Variants in LRRC4C observed in about 807,000 individuals in gnomAD.
LRRC4C encodes the protein leucine rich repeat containing 4C.
LRRC4C carries 5 observed loss-of-function variants against 33.6 expected under a neutral mutation model. The ratio of observed to expected loss-of-function variants is 0.15; its 90% confidence interval spans 0.08 to 0.31. The LOEUF (loss-of-function observed/expected upper bound fraction) is 0.31. Among genes scored for constraint, LRRC4C ranks in the 10% least tolerant of loss-of-function variants. The probability of loss-of-function intolerance (pLI) is 1.00; values close to 1 mark genes in which losing one functional copy is unlikely to be tolerated. For synonymous variants in LRRC4C, 329 were observed against 302.0 expected, an observed-to-expected ratio of 1.09 and a Z score of -0.93; for missense variants, 560 against 796.7, an observed-to-expected ratio of 0.70 and a Z score of 3.58.
chr11:40,495,921 C>CG (rs759050706), intron 3 of LRRC4C, among the ~76,000 whole-genome samples: 19 of 147,380 alleles, frequency 1.3e-4, no homozygotes, highest in Non-Finnish European at 2.4e-4. Flanking sequence ...CCTCCGCCCC[C>CG]GGGGTTCAAG....
chr11:40,740,573 T>A (rs1290733617), intron 2 of LRRC4C, among the ~76,000 whole-genome samples: 1 of 152,084 alleles, frequency 6.6e-6, no homozygotes, highest in African/African-American at 2.4e-5. Flanking sequence ...TTTGCATATA[T>A]TTTCCCCCAT....
At chr11:40,992,440 T>A (rs114518313) in intron 1 of LRRC4C, among the ~76,000 whole-genome samples, 4,221 of 151,872 alleles carry the variant, frequency 0.028, 62 homozygotes, top group Middle Eastern at 0.044. Flanking sequence ...AGTGGTTTTT[T>A]TTTTTCGGAT....
chr11:40,795,362 A>T (rs894299693), intron 2 of LRRC4C, among the ~76,000 whole-genome samples: 1 of 151,926 alleles, frequency 6.6e-6, no homozygotes, highest in Non-Finnish European at 1.5e-5. Flanking sequence ...CCCTCTCTCT[A>T]TTAAAAATAC....
chr11:40,832,542 A>T (rs981773783), intron 2 of LRRC4C, among the ~76,000 whole-genome samples: 2 of 152,150 alleles, frequency 1.3e-5, no homozygotes, highest in Non-Finnish European at 2.9e-5. Flanking sequence ...ATGGAATCAG[A>T]AGTGCCTTGA....
At chr11:40,827,686 T>C (rs1565107117) in intron 2 of LRRC4C, among the ~76,000 whole-genome samples, 1 of 151,826 alleles carries the variant, frequency 6.6e-6, no homozygotes, top group Non-Finnish European at 1.5e-5. Flanking sequence ...ATTTTATTTA[T>C]TTTCTCTTGA....
intron 5 of LRRC4C, among the ~76,000 whole-genome samples, chr11:40,212,953 A>G (rs1863712677): frequency 6.6e-6 from 1 of 152,164 alleles, no homozygotes; most frequent in Non-Finnish European, 1.5e-5. Flanking sequence ...AGGAAACTAG[A>G]AAATGATTCC....
chr11:41,040,235 T>A (rs536184404), intron 1 of LRRC4C, among the ~76,000 whole-genome samples: 74 of 151,486 alleles, frequency 4.9e-4, no homozygotes, highest in African/African-American at 1.6e-3. Flanking sequence ...TATTAGGAGA[T>A]CTCTAATTCT....
chr11:40,862,227 G>A (rs1243460884), intron 2 of LRRC4C, among the ~76,000 whole-genome samples: 1 of 152,136 alleles, frequency 6.6e-6, no homozygotes, highest in African/African-American at 2.4e-5. Context: ...GTTAGCCTTA[G>A]TATAAGAAAA....
intron 1 of LRRC4C, among the ~76,000 whole-genome samples, chr11:40,980,836 T>G (rs1420716991): frequency 6.6e-6 from 1 of 152,190 alleles, no homozygotes; most frequent in Non-Finnish European, 1.5e-5. Context: ...CTCTTCAAGT[T>G]TATATAAATG....
At chr11:40,261,945 G>A (rs551191373) in intron 4 of LRRC4C, among the ~76,000 whole-genome samples, 33 of 152,084 alleles carry the variant, frequency 2.2e-4, no homozygotes, top group African/African-American at 7.2e-4. Flanking sequence ...CTAAAACACC[G>A]AAAGCAATGG....
intron 1 of LRRC4C, among the ~76,000 whole-genome samples, chr11:41,369,875 G>A (rs1232295430): frequency 6.6e-6 from 1 of 152,158 alleles, no homozygotes; most frequent in African/African-American, 2.4e-5. Flanking sequence ...TGATGACAAG[G>A]ACTAGGTACA....
At chr11:40,586,305 AC>A in intron 3 of LRRC4C, among the ~76,000 whole-genome samples, 1 of 150,654 alleles carries the variant, frequency 6.6e-6, no homozygotes. Context: ...TCCTTCACCC[AC>A]TTTTTGATGG....
At chr11:40,804,454 A>G (rs940181460) in intron 2 of LRRC4C, among the ~76,000 whole-genome samples, 2 of 152,146 alleles carry the variant, frequency 1.3e-5, no homozygotes, top group Non-Finnish European at 2.9e-5. Flanking sequence ...TGCACCACCT[A>G]ATTGAAGTAG....
At chr11:40,245,889 T>G (rs1489108675) in intron 4 of LRRC4C, among the ~76,000 whole-genome samples, 1 of 152,010 alleles carries the variant, frequency 6.6e-6, no homozygotes, top group African/African-American at 2.4e-5. Flanking sequence ...ATATTAGTAT[T>G]ATAAATTCAA....
chr11:41,354,662 C>T (rs1952095673), intron 1 of LRRC4C, among the ~76,000 whole-genome samples: 1 of 151,918 alleles, frequency 6.6e-6, no homozygotes, highest in Admixed American at 6.6e-5. Flanking sequence ...AAAATAGACA[C>T]ATAGACCAAT....
chr11:40,488,744 C>T (rs1954000156), intron 3 of LRRC4C, among the ~76,000 whole-genome samples: 1 of 152,044 alleles, frequency 6.6e-6, no homozygotes, highest in Non-Finnish European at 1.5e-5. Context: ...TTGACACATC[C>T]TGTGCTTCCC....
intron 1 of LRRC4C, among the ~76,000 whole-genome samples, chr11:41,174,352 A>G (rs549224409): frequency 7.9e-5 from 12 of 152,262 alleles, no homozygotes; most frequent in Admixed American, 2.6e-4. Flanking sequence ...AATAAAATAA[A>G]GATGCAAATG....
At chr11:41,267,917 A>G (rs981235472) in intron 1 of LRRC4C, among the ~76,000 whole-genome samples, 8 of 152,062 alleles carry the variant, frequency 5.3e-5, no homozygotes, top group African/African-American at 1.9e-4. Flanking sequence ...TAATACACAA[A>G]TATTTCCTGC....
intron 2 of LRRC4C, among the ~76,000 whole-genome samples, chr11:40,731,281 T>TG (rs1156478134): frequency 6.6e-6 from 1 of 152,064 alleles, no homozygotes; most frequent in African/African-American, 2.4e-5. Flanking sequence ...ATCACGCCAC[T>TG]GCACTCCAGC....
Sources: gnomAD v4.1 joint callset for allele counts (sites outside exome capture counted in the v4.1 genomes callset) on GRCh38, gnomAD v4.1.1 for gene constraint, MANE v1.5 for transcripts, NCBI Gene and HGNC (gene_info 2026-07-23, HGNC 2026-07-21) for gene names.